The following AP5S1 variants were observed in gnomAD, a reference collection of about 807,000 sequenced individuals.
The protein encoded by AP5S1 is adaptor related protein complex 5 subunit sigma 1.
AP5S1 carries 13 observed loss-of-function variants against 13.9 expected under a neutral mutation model. The ratio of observed to expected loss-of-function variants is 0.94; its 90% CI spans 0.61 to 1.49. The LOEUF (loss-of-function observed/expected upper bound fraction) is 1.49, where lower values mean the gene tolerates loss of function less well. Among genes scored for constraint, AP5S1 ranks in the 40% most tolerant of loss-of-function variants. The pLI is 0.00. For synonymous variants in AP5S1, 132 were observed against 121.8 expected (o/e 1.08, Z -0.55); for missense variants, 292 against 272.3 (o/e 1.07, Z -0.51).
At chr20:3,821,262 A>C (rs867819139) in intron 1 of AP5S1, among the ~76,000 whole-genome samples, 6 of 152,210 alleles carry the variant, frequency 3.9e-5, no homozygotes, top group Middle Eastern at 3.2e-3. Context: ...CTGCATTCAA[A>C]ATCGGGTAAC....
rs1315684849 is a variant in AP5S1 at position 3,827,564 on chromosome 20, A to C, written c.*3267A>C. 1 of 152,218 alleles carries C rather than the reference A, an allele frequency of 6.6e-6. No individual in the cohort carries two copies. Among genetic ancestry groups the C allele is most frequent in the Non-Finnish European group, 1.5e-5 (1 of 68,086 alleles). The allele number at this position is 152,218 out of a possible 1,614,324, so 9.4% of individuals were successfully genotyped here. On this transcript the variant is annotated 3_prime_UTR_variant, in exon 3 of 3. Coordinates refer to ENST00000615891, the MANE Select transcript of AP5S1 (RefSeq NM_018347.3). ...GCGTGAGCCACCACGACTGACTGGC[A>C]TGAAGTCACAGGTTTTAAGGCAGGA...
Position 3,826,036 on chromosome 20 carries a change from T to A in AP5S1, c.*1739T>A, listed in dbSNP as rs2089622616. On this transcript the variant is annotated 3_prime_UTR_variant, in exon 3 of 3. Transcript: ENST00000615891. ...ATGATCTTCCTGTTACCAAGGAAGG[T>A]GAGGCTTTCTTGGCAGAACGAGCCT... is the stretch of plus-strand genomic sequence containing the variant. 1 of 152,098 alleles carries A rather than the reference T, an allele frequency of 6.6e-6. No individual in the cohort carries two copies. The highest frequency in any genetic ancestry group is 6.5e-5 in the Admixed American group (1 of 15,268). The allele number at this position is 152,098 out of a possible 1,614,324, so 9.4% of individuals were successfully genotyped here.
In AP5S1 at chr20:3,823,963, T is replaced by A; in HGVS notation, c.269T>A (p.Leu90Gln). 6.2e-7 allele frequency: 1 copy of A among 1,610,344 alleles called. No homozygotes were observed. Among genetic ancestry groups the A allele is most frequent in the Non-Finnish European group, 8.5e-7 (1 of 1,180,012 alleles). ...CAATCCTCAGATGAGCAAGTGCCGC[T>A]GCACGAGGCCCCACGTGGGGCTTTC... ...QPQSSDEQVPLHEAPRGAFRL... is the reference protein window; with the variant it reads ...QPQSSDEQVPQHEAPRGAFRL... The change falls in exon 3 of 3, where the codon CTG becomes CAG. Residue 90 changes from leucine to glutamine, a missense_variant. Physicochemically the swap from Leu to Gln is moderately radical, Grantham distance 113. Transcript: ENST00000615891.
chr20:3,821,492 C>T (rs773395906), intron 1 of AP5S1, among the ~76,000 whole-genome samples: 6 of 152,100 alleles, frequency 3.9e-5, no homozygotes, highest in Non-Finnish European at 5.9e-5. Flanking sequence ...TGGCTTCAGC[C>T]TCTCAAGTAG....
Position 3,822,175 on chromosome 20 carries a change from C to T in AP5S1, c.58C>T (p.Leu20Phe). ...LRAPNTEDTG[L>F]CRVLYSCVFG... Reference sequence around the variant, plus strand: ...GGCCCCGAATACTGAGGACACGGGCCTTTGCCGAGTGCTGTACTCCTGCGT... The same window carrying T: ...GGCCCCGAATACTGAGGACACGGGCTTTTGCCGAGTGCTGTACTCCTGCGT... The change falls in exon 2 of 3, where the codon CTT becomes TTT. Residue 20 changes from leucine to phenylalanine, a missense_variant. Leu to Phe is a conservative substitution (Grantham distance 22, BLOSUM62 0). Transcript: ENST00000615891. 1.2e-6 allele frequency: 2 copies of T among 1,614,180 alleles called. No homozygotes were observed. Among genetic ancestry groups the T allele is most frequent in the African/African-American group, 1.3e-5 (1 of 75,046 alleles).
At position 3,820,778 on chromosome 20, in the gene AP5S1, A is replaced by T. The variant is rs1206598191; in HGVS notation, c.-17+20A>T. ...AGTGACGTAAGCTGTCTTGACCGCTACCATTTCTCTAGTAGAGGCGGGACG... is the reference window on the plus strand; with the variant it reads ...AGTGACGTAAGCTGTCTTGACCGCTTCCATTTCTCTAGTAGAGGCGGGACG... On this transcript the variant is annotated intron_variant, in intron 1 of 2. Transcript: ENST00000615891. 1 of 152,244 alleles carries T rather than the reference A, an allele frequency of 6.6e-6. No individual in the cohort carries two copies. The highest frequency in any genetic ancestry group is 1.5e-5 in the Non-Finnish European group (1 of 68,070). 9.4% of individuals were successfully genotyped at this position (152,244 alleles called of 1,614,324 possible). A position where few individuals can be genotyped will look rare whatever the true frequency, so the allele number is the denominator to read the frequency against.
Position 3,826,395 on chromosome 20 carries a change from C to G in AP5S1, c.*2098C>G, listed in dbSNP as rs2089625003. On this transcript the variant is annotated 3_prime_UTR_variant, in exon 3 of 3. Coordinates refer to ENST00000615891, the MANE Select transcript of AP5S1 (RefSeq NM_018347.3). ...TACATTCTGTTCTCCTGGCCCACCC[C>G]TCACCCCAGGCTGGCGGTCCTGGTG... 1.3e-5 allele frequency: 2 copies of G among 152,286 alleles called. No homozygotes were observed. Among genetic ancestry groups the G allele is most frequent in the South Asian group, 4.1e-4 (2 of 4,826 alleles). The allele number at this position is 152,286 out of a possible 1,614,324, so 9.4% of individuals were successfully genotyped here. A position where few individuals can be genotyped will look rare whatever the true frequency, so the allele number is the denominator to read the frequency against.
At chr20:3,820,890 T>A (rs1356521809) in intron 1 of AP5S1, 132 bp downstream of exon 1, 1 of 152,340 alleles carries the variant, frequency 6.6e-6, no homozygotes, top group African/African-American at 2.4e-5. Context: ...GTTCTCGAAG[T>A]GCCTTTGCGA....
In AP5S1 at chr20:3,826,373, A is replaced by AT. The variant is rs2089624857; in HGVS notation, c.*2078dup. The AT allele has an allele frequency of 6.6e-6, 1 of 152,240 alleles. No individual in the cohort carries two copies. The highest frequency in any genetic ancestry group is 1.5e-5 in the Non-Finnish European group (1 of 68,112). The allele number at this position is 152,240 out of a possible 1,614,324, so 9.4% of individuals were successfully genotyped here. ...TAGTAGGGACACCCCTTCCCTATAC[A>AT]TTCTGTTCTCCTGGCCCACCCCTCA... On this transcript the variant is annotated 3_prime_UTR_variant, in exon 3 of 3. Transcript: ENST00000615891.
In AP5S1 at chr20:3,823,865, C is replaced by G. The variant is rs539372027; in HGVS notation, c.177-6C>G. 2.5e-4 allele frequency: 406 copies of G among 1,595,778 alleles called. 4 individuals carry two copies. The East Asian group carries it at 8.8e-3, about 35-fold the overall frequency. On this transcript the variant is annotated splice_polypyrimidine_tract_variant and splice_region_variant and intron_variant, in intron 2 of 2. Transcript: ENST00000615891. Reference sequence around the variant, plus strand: ...CCCACCAGCCTGACCTGCCCACTCTCCCCAGGCAGGTAGAGTCAATGTGTC... The same window carrying G: ...CCCACCAGCCTGACCTGCCCACTCTGCCCAGGCAGGTAGAGTCAATGTGTC...
In AP5S1 at chr20:3,824,392, T is replaced by C. The variant is rs1254944137; in HGVS notation, c.*95T>C. ...TCCCTCCTACCCAGCAGCTCTGATG[T>C]GCTGCTATACCAGGACAAGTGGGTG... On this transcript the variant is annotated 3_prime_UTR_variant, in exon 3 of 3. Coordinates refer to ENST00000615891, the MANE Select transcript of AP5S1 (RefSeq NM_018347.3). The C allele has an allele frequency of 5.7e-5, 73 of 1,270,094 alleles. No homozygotes were observed. The East Asian group carries it at 1.7e-3, about 30-fold the overall frequency. The allele number at this position is 1,270,094 out of a possible 1,614,324, so 78.7% of individuals were successfully genotyped here.
chr20:3,824,043 G>A lies in AP5S1; in HGVS notation c.349G>A (p.Val117Met), dbSNP rs376165428. Residue 117 changes from valine to methionine, a missense_variant, in exon 3 of 3, where the codon GTG (valine) becomes ATG (methionine). Coordinates refer to ENST00000615891, the MANE Select transcript of AP5S1 (RefSeq NM_018347.3). ...QEPRTVVWLG[V>M]LSLGFALVLD... The stretch of plus-strand genomic sequence containing the variant: ...GCCACGGACGGTGGTGTGGCTGGGC[G>A]TGCTCTCGTTAGGCTTTGCCCTGGT... 50 of 1,613,638 alleles carry A rather than the reference G, an allele frequency of 3.1e-5. 1 individual carries two copies. In the East Asian group the frequency reaches 8.0e-4, roughly 26 times the overall value.
intron 1 of AP5S1, chr20:3,821,846 T>G: frequency 1.1e-6 from 1 of 920,262 alleles, no homozygotes; most frequent in African/African-American, 1.8e-5. Context: ...GGTCTGAGAT[T>G]TTTTTTGTTT....
In AP5S1 at chr20:3,825,012, C is replaced by T. The variant is rs1025968596; in HGVS notation, c.*715C>T. Reference sequence around the variant, plus strand: ...CCTGAGGGTGGAGGAGCTGTGCCTGCATGCTGGCAGGCCACAGCCCCTGGC... The same window carrying T: ...CCTGAGGGTGGAGGAGCTGTGCCTGTATGCTGGCAGGCCACAGCCCCTGGC... On this transcript the variant is annotated 3_prime_UTR_variant, in exon 3 of 3. Transcript: ENST00000615891. The T allele has an allele frequency of 1.6e-4, 25 of 151,966 alleles. No individual in the cohort carries two copies. The highest frequency in any genetic ancestry group is 6.1e-4 in the African/African-American group (25 of 41,320). The allele number at this position is 151,966 out of a possible 1,614,324, so 9.4% of individuals were successfully genotyped here.
At position 3,826,284 on chromosome 20, in the gene AP5S1, C is replaced by T. The variant is rs900575055; in HGVS notation, c.*1987C>T. On this transcript the variant is annotated 3_prime_UTR_variant, in exon 3 of 3. Coordinates refer to ENST00000615891, the MANE Select transcript of AP5S1 (RefSeq NM_018347.3). ...CCACAAACCACCTTGACCATGAAGA[C>T]CTAAAGGGATGTTACTCTGTGTGTG... The T allele has an allele frequency of 6.6e-6, 1 of 152,174 alleles. No individual in the cohort carries two copies. Among genetic ancestry groups the T allele is most frequent in the African/African-American group, 2.4e-5 (1 of 41,420 alleles). The allele number at this position is 152,174 out of a possible 1,614,324, so 9.4% of individuals were successfully genotyped here.
intron 2 of AP5S1, 115 bp from the exon 3 acceptor site, chr20:3,823,756 T>C: frequency 6.6e-7 from 1 of 1,513,596 alleles, no homozygotes; most frequent in Non-Finnish European, 8.8e-7. Flanking sequence ...TCTCTAGGCC[T>C]CAGTTTTCTC....
chr20:3,820,881 T>G (rs2089574315), intron 1 of AP5S1, 123 bp downstream of exon 1: 1 of 152,012 alleles, frequency 6.6e-6, no homozygotes, highest in Admixed American at 6.6e-5. Flanking sequence ...TGGGCTCCGG[T>G]TCTCGAAGTG....
Position 3,824,380 on chromosome 20 carries a change from G to A in AP5S1, c.*83G>A, listed in dbSNP as rs1339408990. 2.2e-6 allele frequency: 3 copies of A among 1,386,178 alleles called. No individual in the cohort carries two copies. The highest frequency in any genetic ancestry group is 2.0e-6 in the Non-Finnish European group (2 of 1,007,488). 85.9% of individuals were successfully genotyped at this position (1,386,178 alleles called of 1,614,324 possible). ...AAGCTTGGCATCTCCCTCCTACCCA[G>A]CAGCTCTGATGTGCTGCTATACCAG... is the stretch of plus-strand genomic sequence containing the variant. On this transcript the variant is annotated 3_prime_UTR_variant, in exon 3 of 3. Transcript: ENST00000615891.
At position 3,823,905 on chromosome 20, in the gene AP5S1, G is replaced by C. The variant is rs750319537; in HGVS notation, c.211G>C (p.Ala71Pro). The C allele has an allele frequency of 2.5e-6, 4 of 1,602,282 alleles. No homozygotes were observed. The highest frequency in any genetic ancestry group is 2.2e-5 in the East Asian group (1 of 44,846). ...VESMCRLQQQ[A>P]SGRPPMDLQP... ...GTCAATGTGTCGGCTGCAGCAGCAG[G>C]CATCTGGCCGGCCCCCCATGGACCT... is the stretch of plus-strand genomic sequence containing the variant. The change falls in exon 3 of 3, where the codon GCA becomes CCA. Residue 71 changes from alanine (A) to proline (P), a missense_variant. Ala to Pro is a conservative substitution (Grantham distance 27). Coordinates refer to ENST00000615891, the MANE Select transcript of AP5S1 (RefSeq NM_018347.3).
Sources: gnomAD v4.1 joint callset for allele counts (sites outside exome capture counted in the v4.1 genomes callset) on GRCh38, gnomAD v4.1.1 for gene constraint, MANE v1.5 for transcripts, NCBI Gene and HGNC (gene_info 2026-07-23, HGNC 2026-07-21) for gene names.